Variants in DRC1 observed in about 807,000 individuals in gnomAD.
DRC1 encodes dynein regulatory complex protein 1.
Under a neutral mutation model 98.7 loss-of-function variants are expected in DRC1, and 74 were observed. The ratio of observed to expected loss-of-function variants is 0.75; its 90% CI spans 0.62 to 0.91. DRC1 has a LOEUF of 0.91. DRC1 is among the 40% of genes least tolerant of loss of function. The pLI is 0.00. For synonymous variants in DRC1, 336 were observed against 334.1 expected, an observed-to-expected ratio of 1.01 and a Z score of -0.06; for missense variants, 875 against 886.0, an observed-to-expected ratio of 0.99 and a Z score of 0.16.
chr2:26,436,135 T>TA (rs973546536), intron 7 of DRC1, among the ~76,000 whole-genome samples: 2 of 152,122 alleles, frequency 1.3e-5, no homozygotes, highest in African/African-American at 4.8e-5. Context: ...TTCTTTTTTT[T>TA]TTTTCACTTT....
chr2:26,440,629 C>A, intron 8 of DRC1, 112 bp downstream of exon 8: 1 of 1,296,434 alleles, frequency 7.7e-7, no homozygotes, highest in African/African-American at 1.5e-5. Context: ...ATAACCAACA[C>A]TTATTAAAAT....
chr2:26,411,207 T>C (rs1461391884), intron 1 of DRC1, among the ~76,000 whole-genome samples: 1 of 152,260 alleles, frequency 6.6e-6, no homozygotes, highest in East Asian at 1.9e-4. Context: ...AGTTCTACAC[T>C]GCTGAACAAC....
At chr2:26,440,239 T>C in intron 7 of DRC1, 139 bp from the exon 8 acceptor site, 1 of 1,139,348 alleles carries the variant, frequency 8.8e-7, no homozygotes. Flanking sequence ...TATTTACCTA[T>C]ATAAAGCATG....
intron 8 of DRC1, among the ~76,000 whole-genome samples, chr2:26,441,540 G>A (rs1157374759): frequency 6.6e-6 from 1 of 152,006 alleles, no homozygotes; most frequent in African/African-American, 2.4e-5. Context: ...TCAATACAGT[G>A]AGGAGGCACC....
At chr2:26,439,318 T>C (rs1251367933) in intron 7 of DRC1, among the ~76,000 whole-genome samples, 1 of 152,142 alleles carries the variant, frequency 6.6e-6, no homozygotes, top group Non-Finnish European at 1.5e-5. Flanking sequence ...AGGACAGTGC[T>C]CCTCTCATTG....
Position 26,454,922 on chromosome 2 carries a change from G to A in DRC1, c.2063+132G>A, listed in dbSNP as rs1664103328. ...AAGAGCTGCCCTTGGCATCTCCTGTGTGGGTGGATCATGTGGGGCAGTTGG... is the reference window on the plus strand; with the variant it reads ...AAGAGCTGCCCTTGGCATCTCCTGTATGGGTGGATCATGTGGGGCAGTTGG... On this transcript the variant is annotated intron_variant, in intron 15 of 16. Coordinates refer to ENST00000288710, the MANE Select transcript of DRC1 (RefSeq NM_145038.5). This position sits in a 1 kb window ranked among gnomAD's most constrained non-coding sequence, Gnocchi z 5.2. 2.0e-6 allele frequency: 3 copies of A among 1,487,924 alleles called. No individual in the cohort carries two copies. The African/African-American group carries it at 4.1e-5, about 21-fold the overall frequency. 92.2% of individuals were successfully genotyped at this position (1,487,924 alleles called of 1,614,324 possible).
intron 7 of DRC1, among the ~76,000 whole-genome samples, chr2:26,438,497 C>T (rs1663631561): frequency 1.3e-5 from 2 of 152,148 alleles, no homozygotes; most frequent in African/African-American, 4.8e-5. Flanking sequence ...TATGGTTCTT[C>T]ATTTACCATC....
At chr2:26,403,604 G>A (rs1461477814) in intron 1 of DRC1, among the ~76,000 whole-genome samples, 2 of 151,984 alleles carry the variant, frequency 1.3e-5, no homozygotes, top group African/African-American at 2.4e-5. Flanking sequence ...AGACCAGCCT[G>A]GCCAACATGG....
intron 7 of DRC1, among the ~76,000 whole-genome samples, chr2:26,435,223 G>T (rs1287042652): frequency 6.6e-6 from 1 of 152,114 alleles, no homozygotes; most frequent in Non-Finnish European, 1.5e-5. Context: ...AAGGAGGGAA[G>T]GTGTTGTCAA....
chr2:26,444,619 C>A, intron 9 of DRC1, 97 bp from the exon 10 acceptor site: 1 of 1,239,790 alleles, frequency 8.1e-7, no homozygotes, highest in Non-Finnish European at 1.1e-6. Flanking sequence ...CAGGAATTAG[C>A]ACAGCTCCTT....
intron 10 of DRC1, chr2:26,448,392 T>C (rs1663913468): frequency 1.8e-6 from 1 of 564,448 alleles, no homozygotes. Context: ...CACTTCCTGG[T>C]TCATGGCTGG....
At chr2:26,402,274 T>G in intron 1 of DRC1, 130 bp downstream of exon 1, 1 of 1,374,274 alleles carries the variant, frequency 7.3e-7, no homozygotes, top group Non-Finnish European at 9.6e-7. Context: ...GCTGGGCCGG[T>G]GCCGTGGCGC....
intron 1 of DRC1, among the ~76,000 whole-genome samples, chr2:26,409,907 A>T (rs1461816626): frequency 6.6e-6 from 1 of 152,146 alleles, no homozygotes; most frequent in African/African-American, 2.4e-5. Flanking sequence ...AAAATTAACA[A>T]AGAGAAAAAA....
chr2:26,440,147 G>A (rs1200252891), intron 7 of DRC1, among the ~76,000 whole-genome samples: 1 of 150,928 alleles, frequency 6.6e-6, no homozygotes, highest in African/African-American at 2.4e-5. Flanking sequence ...TAGGTACAAA[G>A]ATGAATACAT....
At chr2:26,453,706 G>A (rs925414181) in intron 14 of DRC1, among the ~76,000 whole-genome samples, 157 bp downstream of exon 14, 7 of 152,200 alleles carry the variant, frequency 4.6e-5, no homozygotes, top group Non-Finnish European at 1.0e-4. Context: ...GCAACCAATC[G>A]CTGGACAGTC....
In DRC1 at chr2:26,450,035, C is replaced by T; in HGVS notation, c.1549C>T (p.Pro517Ser). ...IESKLLSLLLPLEQNECYLLR... is the reference protein window; with the variant it reads ...IESKLLSLLLSLEQNECYLLR... ...GAGCAAGCTGCTGAGCCTTCTCCTGCCCCTGGAGCAGAATGAATGCTATCT... is the reference window on the plus strand; with the variant it reads ...GAGCAAGCTGCTGAGCCTTCTCCTGTCCCTGGAGCAGAATGAATGCTATCT... The change falls in exon 12 of 17, where the codon CCC becomes TCC. Residue 517 changes from proline (P) to serine (S), a missense_variant. Physicochemically the swap from Pro to Ser is moderately conservative, Grantham distance 74. Coordinates refer to ENST00000288710, the MANE Select transcript of DRC1 (RefSeq NM_145038.5). 1.2e-6 allele frequency: 2 copies of T among 1,613,866 alleles called. No homozygotes were observed. The highest frequency in any genetic ancestry group is 1.7e-6 in the Non-Finnish European group (2 of 1,179,952).
chr2:26,431,408 G>A (rs1240274210), intron 6 of DRC1, among the ~76,000 whole-genome samples: 3 of 152,084 alleles, frequency 2.0e-5, no homozygotes, highest in Admixed American at 2.0e-4. Flanking sequence ...CCGTGGGCCC[G>A]TCACTTTCCC....
chr2:26,417,067 G>C (rs1255050315), intron 2 of DRC1, among the ~76,000 whole-genome samples: 1 of 152,134 alleles, frequency 6.6e-6, no homozygotes, highest in Non-Finnish European at 1.5e-5. Context: ...ACACCACCAA[G>C]AGGATGGTGC....
At chr2:26,441,862 C>G (rs1663727867) in intron 8 of DRC1, among the ~76,000 whole-genome samples, 1 of 152,216 alleles carries the variant, frequency 6.6e-6, no homozygotes, top group Non-Finnish European at 1.5e-5. Context: ...CCTGCTGTTT[C>G]TAAGCACCAT....
Sources: allele counts gnomAD v4.1 joint callset (sites outside exome capture counted in the v4.1 genomes callset), GRCh38; gene constraint gnomAD v4.1.1; non-coding constraint Gnocchi (gnomAD v3.1); transcripts MANE v1.5; gene names NCBI Gene and HGNC (gene_info 2026-07-23, HGNC 2026-07-21).